HCRTR2: variants seen among roughly 807,000 people sequenced by gnomAD.
HCRTR2 encodes the protein orexin receptor type 2.
In HCRTR2, 22 loss-of-function variants were observed where a neutral mutation model predicts 49.0. That is an observed-to-expected ratio of 0.45 (90% CI 0.32 to 0.64). The LOEUF (loss-of-function observed/expected upper bound fraction) is 0.64, where lower values mean the gene tolerates loss of function less well. HCRTR2 is among the 30% of genes least tolerant of loss of function. The probability of loss-of-function intolerance (pLI) is 0.04; values close to 1 mark genes in which losing one functional copy is unlikely to be tolerated. For synonymous variants in HCRTR2, 236 were observed against 205.3 expected (o/e 1.15, Z -1.28); for missense variants, 491 against 559.4 (o/e 0.88, Z 1.23).
chr6:55,137,135 G>A (rs550979883), intron 1 of HCRTR2, among the ~76,000 whole-genome samples: 7 of 152,244 alleles, frequency 4.6e-5, no homozygotes, highest in African/African-American at 1.7e-4. Context: ...GTATGCAAAT[G>A]AGCATTAAAA....
chr6:55,148,342 T>C (rs1764621716), intron 1 of HCRTR2, among the ~76,000 whole-genome samples: 1 of 152,146 alleles, frequency 6.6e-6, no homozygotes, highest in African/African-American at 2.4e-5. Flanking sequence ...CTAGAGGGTC[T>C]GTTTTGGTAA....
chr6:55,121,576 A>G (rs976691088), intron 1 of HCRTR2, among the ~76,000 whole-genome samples: 4 of 152,196 alleles, frequency 2.6e-5, no homozygotes, highest in Admixed American at 6.5e-5. Flanking sequence ...TTTCCCATTC[A>G]GTATGATATT....
intron 1 of HCRTR2, among the ~76,000 whole-genome samples, chr6:55,199,128 G>A (rs1765467024): frequency 6.6e-6 from 1 of 152,158 alleles, no homozygotes; most frequent in African/African-American, 2.4e-5. Flanking sequence ...TTAGGTTACT[G>A]TTAATGGGAG....
At chr6:55,152,613 A>T (rs1410976395) in intron 1 of HCRTR2, among the ~76,000 whole-genome samples, 3 of 151,948 alleles carry the variant, frequency 2.0e-5, no homozygotes, top group Non-Finnish European at 2.9e-5. Context: ...TGAGATTAGG[A>T]TGCCAATATG....
At chr6:55,172,382 GT>G (rs889029933), upstream of HCRTR2, among the ~76,000 whole-genome samples, 8 of 149,808 alleles carry the variant, frequency 5.3e-5, no homozygotes, top group Non-Finnish European at 8.9e-5. Context: ...TTGTTAGTTT[GT>G]TTTTTTTTAA....
At chr6:55,204,068 C>G (rs1765557959) in intron 1 of HCRTR2, among the ~76,000 whole-genome samples, 1 of 152,128 alleles carries the variant, frequency 6.6e-6, no homozygotes, top group African/African-American at 2.4e-5. Context: ...GTTAAATAGT[C>G]CATTCCCAAC....
intron 6 of HCRTR2, 62 bp from the exon 7 acceptor site, chr6:55,282,163 T>G (rs949245113): frequency 8.3e-7 from 1 of 1,210,482 alleles, no homozygotes; most frequent in South Asian, 1.3e-5. Flanking sequence ...TTGTACCCTA[T>G]TCATAATTTG....
intron 1 of HCRTR2, among the ~76,000 whole-genome samples, chr6:55,204,648 A>T (rs953211822): frequency 1.3e-5 from 2 of 152,146 alleles, no homozygotes; most frequent in African/African-American, 2.4e-5. Flanking sequence ...GGAAAAATGG[A>T]TTGTGAGAAG....
At chr6:55,233,159 G>C (rs1766148084) in intron 1 of HCRTR2, among the ~76,000 whole-genome samples, 1 of 151,286 alleles carries the variant, frequency 6.6e-6, no homozygotes, top group Admixed American at 6.6e-5. Flanking sequence ...TGCAATCTCA[G>C]CTCACTGCAA....
intron 1 of HCRTR2, among the ~76,000 whole-genome samples, chr6:55,180,558 C>T (rs368387363): frequency 1.4e-5 from 2 of 143,422 alleles, no homozygotes; most frequent in East Asian, 2.0e-4. Flanking sequence ...GCCAAAAATG[C>T]TTTTACCTGT....
intron 1 of HCRTR2, among the ~76,000 whole-genome samples, chr6:55,244,965 G>T (rs1231652118): frequency 6.6e-6 from 1 of 151,910 alleles, no homozygotes; most frequent in African/African-American, 2.4e-5. Flanking sequence ...AAGATAAATT[G>T]CCTGTAGGTA....
chr6:55,145,619 G>T (rs1764570714), intron 1 of HCRTR2, among the ~76,000 whole-genome samples: 1 of 151,986 alleles, frequency 6.6e-6, no homozygotes, highest in Non-Finnish European at 1.5e-5. Context: ...GTTTCACCGT[G>T]TTAGCCAGGA....
intron 1 of HCRTR2, among the ~76,000 whole-genome samples, chr6:55,116,257 A>G (rs1165725356): frequency 6.6e-6 from 1 of 151,708 alleles, no homozygotes; most frequent in Admixed American, 6.6e-5. Context: ...ATAGTATAAC[A>G]TTGTTTACTG....
At chr6:55,147,282 C>T (rs1031098926) in intron 1 of HCRTR2, among the ~76,000 whole-genome samples, 3 of 151,892 alleles carry the variant, frequency 2.0e-5, no homozygotes, top group South Asian at 2.1e-4. Flanking sequence ...CAAAAATCTA[C>T]GTAATTGATA....
chr6:55,176,830 A>G (rs1374483863), intron 1 of HCRTR2, among the ~76,000 whole-genome samples: 3 of 152,198 alleles, frequency 2.0e-5, no homozygotes, highest in Non-Finnish European at 4.4e-5. Flanking sequence ...CCCACTGCCA[A>G]TAAAGTACAA....
Position 55,119,037 on chromosome 6 carries a change from G to A in HCRTR2, c.-378+12492G>A, listed in dbSNP as rs1037269380. ...TCACTTATGAGTGAGAACATGTGGT[G>A]TTTGGTTTTCTATTCCTATGTTAGT... On this transcript the variant is annotated intron_variant, in intron 1 of 7. Coordinates refer to the HCRTR2 transcript ENST00000615358. Among the ~76,000 whole-genome samples, 9 of 151,970 alleles carry A rather than the reference G, an allele frequency of 5.9e-5. No homozygotes were observed. In the East Asian group the frequency reaches 1.5e-3, roughly 26 times the overall value.
chr6:55,136,777 A>G (rs572419255), intron 1 of HCRTR2, among the ~76,000 whole-genome samples: 1 of 152,124 alleles, frequency 6.6e-6, no homozygotes, highest in African/African-American at 2.4e-5. Context: ...AAATCTCAGT[A>G]GCTGGAACCT....
rs1366926252 is a variant in HCRTR2, at chr6:55,281,555, C to G, written c.1106-670C>G. Among the ~76,000 whole-genome samples, 3 of 152,296 alleles carry G rather than the reference C, an allele frequency of 2.0e-5. No homozygotes were observed. In the South Asian group the frequency reaches 6.2e-4, roughly 32 times the overall value. On this transcript the variant is annotated intron_variant, in intron 6 of 6. Coordinates refer to ENST00000370862, the MANE Select transcript of HCRTR2 (RefSeq NM_001384272.1). ...TCATTTAATCACTGATAACTCAGTG[C>G]GTAGCTGAGGCTAAGAGAGAAGAAA...
chr6:55,217,270 CT>C (rs1765804814), intron 1 of HCRTR2, among the ~76,000 whole-genome samples: 1 of 152,176 alleles, frequency 6.6e-6, no homozygotes, highest in South Asian at 2.1e-4. Context: ...TGAATAACAT[CT>C]GACTCCCTTC....
Sources: gnomAD v4.1 joint callset for allele counts (sites outside exome capture counted in the v4.1 genomes callset) on GRCh38, gnomAD v4.1.1 for gene constraint, MANE v1.5 for transcripts, NCBI Gene and HGNC (gene_info 2026-07-23, HGNC 2026-07-21) for gene names.